Variants in FAF1 observed in about 807,000 individuals in gnomAD.
FAF1 encodes the protein FAS-associated factor 1.
FAF1 carries 25 observed loss-of-function variants against 92.5 expected under a neutral mutation model. The ratio of observed to expected loss-of-function variants is 0.27; its 90% CI spans 0.20 to 0.38. FAF1 has a LOEUF of 0.38. FAF1 is among the 10% of genes least tolerant of loss of function. The pLI, the probability that FAF1 is intolerant of heterozygous loss-of-function variation, is 1.00. For missense variants in FAF1, 636 were observed against 793.3 expected (o/e 0.80, Z 2.38); for synonymous variants, 234 against 273.2 (o/e 0.86, Z 1.42).
At chr1:50,772,876 A>G (rs1660822554) in intron 4 of FAF1, among the ~76,000 whole-genome samples, 2 of 152,318 alleles carry the variant, frequency 1.3e-5, no homozygotes, top group African/African-American at 4.8e-5. Flanking sequence ...AATAAATATC[A>G]TTAGACACCC....
intron 18 of FAF1, among the ~76,000 whole-genome samples, chr1:50,450,905 C>T (rs939630296): frequency 2.0e-5 from 3 of 152,170 alleles, no homozygotes; most frequent in Admixed American, 2.0e-4. Context: ...TAACACACCC[C>T]AAAATGAAAC....
intron 13 of FAF1, among the ~76,000 whole-genome samples, chr1:50,559,030 C>G (rs1382360985): frequency 6.6e-6 from 1 of 152,128 alleles, no homozygotes; most frequent in Admixed American, 6.6e-5. Flanking sequence ...GCAGGTGGAT[C>G]ACCTGAGGTC....
At chr1:50,457,655 A>G (rs1183422342) in intron 18 of FAF1, among the ~76,000 whole-genome samples, 1 of 139,342 alleles carries the variant, frequency 7.2e-6, no homozygotes, top group Non-Finnish European at 1.5e-5. Flanking sequence ...TGGGAGTCTG[A>G]GGCAGGCAGA....
intron 13 of FAF1, among the ~76,000 whole-genome samples, chr1:50,559,639 T>C (rs1432074842): frequency 1.3e-5 from 2 of 152,208 alleles, no homozygotes; most frequent in African/African-American, 2.4e-5. Context: ...ATGCTGCAAA[T>C]TGATCTTGAC....
intron 1 of FAF1, among the ~76,000 whole-genome samples, chr1:50,955,648 A>C (rs1645260511): frequency 6.6e-6 from 1 of 152,194 alleles, no homozygotes. Flanking sequence ...ATATATGCAA[A>C]AGAATTGAAA....
chr1:50,908,378 T>C (rs1208076136), intron 1 of FAF1, among the ~76,000 whole-genome samples: 3 of 152,248 alleles, frequency 2.0e-5, no homozygotes, highest in Non-Finnish European at 4.4e-5. Context: ...TCTGTAGATG[T>C]CTATTAGATC....
At chr1:50,603,058 G>C (rs1300323607) in intron 8 of FAF1, among the ~76,000 whole-genome samples, 8 of 152,136 alleles carry the variant, frequency 5.3e-5, no homozygotes, top group African/African-American at 1.9e-4. Context: ...GTACTGACTG[G>C]TGAACCAAAA....
Position 50,937,183 on chromosome 1 carries a change from G to A in FAF1, c.45+22584C>T, listed in dbSNP as rs140491415. Among the ~76,000 whole-genome samples the A allele has an allele frequency of 3.1e-4, 47 of 152,096 alleles. 2 individuals carry two copies. In the East Asian group the frequency reaches 8.5e-3, roughly 28 times the overall value. On this transcript the variant is annotated intron_variant, in intron 1 of 18. Coordinates refer to ENST00000396153, the MANE Select transcript of FAF1 (RefSeq NM_007051.3). ...AAATTTTAAGGTATTACTATTAATT[G>A]TGCATTAATAATAATACAATGTGCA...
At chr1:50,563,406 C>A (rs547121083) in intron 13 of FAF1, among the ~76,000 whole-genome samples, 1 of 151,294 alleles carries the variant, frequency 6.6e-6, no homozygotes, top group South Asian at 2.1e-4. Flanking sequence ...GCCAGGGCAA[C>A]ATAACGAGAC....
intron 4 of FAF1, among the ~76,000 whole-genome samples, chr1:50,747,492 C>A (rs1323592934): frequency 6.6e-6 from 1 of 152,148 alleles, no homozygotes; most frequent in Non-Finnish European, 1.5e-5. Flanking sequence ...TTACTCAATG[C>A]CTATACCCCC....
intron 2 of FAF1, among the ~76,000 whole-genome samples, chr1:50,853,512 T>C (rs911007016): frequency 6.6e-6 from 1 of 152,120 alleles, no homozygotes; most frequent in African/African-American, 2.4e-5. Context: ...ATAGAGTCTT[T>C]CTTCAGCAAA....
At chr1:50,493,865 C>T (rs1360699637) in intron 15 of FAF1, among the ~76,000 whole-genome samples, 2 of 152,192 alleles carry the variant, frequency 1.3e-5, no homozygotes, top group Middle Eastern at 3.2e-3. Flanking sequence ...CCACTATGTA[C>T]ACGTAAAAAA....
chr1:50,956,873 G>A (rs758543177), intron 1 of FAF1, among the ~76,000 whole-genome samples: 2 of 152,200 alleles, frequency 1.3e-5, no homozygotes, highest in Non-Finnish European at 2.9e-5. Flanking sequence ...ACTTGAACCC[G>A]AGAGGCGGAG....
chr1:50,798,994 T>A (rs1661869047), intron 3 of FAF1, among the ~76,000 whole-genome samples: 1 of 152,158 alleles, frequency 6.6e-6, no homozygotes, highest in Non-Finnish European at 1.5e-5. Flanking sequence ...GTATTTTTAG[T>A]AGAGACAGGG....
chr1:50,914,627 G>A (rs150847825), intron 1 of FAF1, among the ~76,000 whole-genome samples: 159 of 152,186 alleles, frequency 1.0e-3, no homozygotes, highest in African/African-American at 3.6e-3. Context: ...CAATCACTGC[G>A]CATTTAATTA....
chr1:50,724,296 TACACACACACACACACACACAC>T (rs974347882), intron 6 of FAF1, among the ~76,000 whole-genome samples: 1 of 117,136 alleles, frequency 8.5e-6, no homozygotes, highest in East Asian at 2.4e-4. Flanking sequence ...CACACACACA[TACACACACACACACACACACAC>T]ACACACACAC....
At chr1:50,607,655 ACTT>A (rs1652489294) in intron 8 of FAF1, among the ~76,000 whole-genome samples, 1 of 152,144 alleles carries the variant, frequency 6.6e-6, no homozygotes, top group African/African-American at 2.4e-5. Context: ...AAGTGACAAA[ACTT>A]CTTCAAAACT....
At chr1:50,651,989 T>TA (rs1202904445) in intron 8 of FAF1, among the ~76,000 whole-genome samples, 1 of 152,204 alleles carries the variant, frequency 6.6e-6, no homozygotes, top group East Asian at 1.9e-4. Context: ...TGGCATCAGT[T>TA]AAAAGCAGCC....
At chr1:50,850,525 A>G (rs922605006) in intron 2 of FAF1, among the ~76,000 whole-genome samples, 2 of 152,194 alleles carry the variant, frequency 1.3e-5, no homozygotes, top group Non-Finnish European at 2.9e-5. Context: ...TAGAGCAAGT[A>G]TGTGTTTGAG....
Sources: allele counts gnomAD v4.1 joint callset (sites outside exome capture counted in the v4.1 genomes callset), GRCh38; gene constraint gnomAD v4.1.1; transcripts MANE v1.5; gene names NCBI Gene and HGNC (gene_info 2026-07-23, HGNC 2026-07-21).